SFSWAP: variants seen among roughly 807,000 people sequenced by gnomAD.
The protein encoded by SFSWAP is splicing factor SWAP.
SFSWAP carries 17 observed loss-of-function variants against 100.7 expected under a neutral mutation model. That is an observed-to-expected ratio of 0.17 (90% CI 0.12 to 0.25). The LOEUF (loss-of-function observed/expected upper bound fraction) is 0.25. Ranked by LOEUF, SFSWAP falls within the 10% of genes least tolerant of loss-of-function variation. The pLI is 1.00. For missense variants in SFSWAP, 1,005 were observed against 1,262.6 expected (o/e 0.80, Z 3.09); for synonymous variants, 504 against 510.1 (o/e 0.99, Z 0.16).
intron 7 of SFSWAP, among the ~76,000 whole-genome samples, chr12:131,751,984 C>T (rs1188280805): frequency 6.6e-6 from 1 of 152,202 alleles, no homozygotes; most frequent in African/African-American, 2.4e-5. Flanking sequence ...AGCTAGAGAA[C>T]AACGGTTTAG....
chr12:131,767,415 T>G (rs550116368), intron 13 of SFSWAP, among the ~76,000 whole-genome samples: 5 of 152,354 alleles, frequency 3.3e-5, no homozygotes, highest in African/African-American at 4.8e-5. Flanking sequence ...TTTGGGGAGT[T>G]TAGGAGCATT....
chr12:131,796,907 T>A, intron 15 of SFSWAP: 1 of 378,150 alleles, frequency 2.6e-6, no homozygotes, highest in Non-Finnish European at 4.7e-6. Flanking sequence ...TGTGGTGGCT[T>A]ATCTTAGGTA....
At chr12:131,746,428 TG>T (rs1430187178) in intron 7 of SFSWAP, among the ~76,000 whole-genome samples, 7 of 152,230 alleles carry the variant, frequency 4.6e-5, no homozygotes, top group Non-Finnish European at 7.3e-5. Flanking sequence ...CTCTGGCATG[TG>T]GGTCGTTTGT....
chr12:131,764,388 T>G (rs1593164173), intron 11 of SFSWAP, 68 bp from the exon 12 acceptor site: 1 of 1,253,630 alleles, frequency 8.0e-7, no homozygotes, highest in East Asian at 2.4e-5. Flanking sequence ...GATGCTCAGG[T>G]GGGTAGCAGG....
Position 131,778,675 on chromosome 12 carries a change from G to T in SFSWAP, c.2408+345G>T, listed in dbSNP as rs772467652. 6.6e-6 allele frequency among the ~76,000 whole-genome samples: 1 copy of T among 151,972 alleles called. No individual in the cohort carries two copies. Among genetic ancestry groups the T allele is most frequent in the Non-Finnish European group, 1.5e-5 (1 of 67,976 alleles). On this transcript the variant is annotated intron_variant, in intron 14 of 17. Coordinates refer to ENST00000261674, the MANE Select transcript of SFSWAP (RefSeq NM_004592.4). This position sits in a 1 kb window ranked among gnomAD's most constrained non-coding sequence, Gnocchi z 4.2. ...TGGGATTACAGGTGCCCACCACCAC[G>T]CCTGGCTAATTTTTGTATTTTTAGT... is the stretch of plus-strand genomic sequence containing the variant.
At chr12:131,752,697 C>G (rs916696953) in intron 7 of SFSWAP, among the ~76,000 whole-genome samples, 1 of 152,168 alleles carries the variant, frequency 6.6e-6, no homozygotes, top group South Asian at 2.1e-4. Context: ...GGTGTCAGCG[C>G]GGGGAGCTAG....
chr12:131,777,586 G>C (rs1031921495), intron 13 of SFSWAP, among the ~76,000 whole-genome samples: 1 of 152,152 alleles, frequency 6.6e-6, no homozygotes, highest in Non-Finnish European at 1.5e-5. Flanking sequence ...CTATTGTGAA[G>C]AGTGCCACAA....
chr12:131,764,544 C>T lies in SFSWAP; in HGVS notation c.1809C>T (p.Asp603=). 1 of 1,614,112 alleles carries T rather than the reference C, an allele frequency of 6.2e-7. No homozygotes were observed. Among genetic ancestry groups the T allele is most frequent in the Non-Finnish European group, 8.5e-7 (1 of 1,180,002 alleles). ...LEKNRVKLDD[D]SDDDEESKEG... is the part of the protein sequence containing the mutation. ...AAAATCGTGTTAAGCTAGATGATGACAGTGATGATGATGAAGAAAGCAAAG... is the reference window on the plus strand; with the variant it reads ...AAAATCGTGTTAAGCTAGATGATGATAGTGATGATGATGAAGAAAGCAAAG... Residue 603 remains aspartate, a synonymous_variant, in exon 12 of 18, where the codon GAC becomes GAT. Transcript: ENST00000261674.
intron 3 of SFSWAP, among the ~76,000 whole-genome samples, chr12:131,715,995 C>T (rs1877876680): frequency 6.6e-6 from 1 of 152,214 alleles, no homozygotes; most frequent in Non-Finnish European, 1.5e-5. Flanking sequence ...CCACCACATC[C>T]AGCCAAGTGA....
rs771416542 is a variant in SFSWAP at position 131,797,216 on chromosome 12, C to T, written c.2573C>T (p.Ser858Leu). The T allele has an allele frequency of 3.1e-6, 5 of 1,611,706 alleles. No homozygotes were observed. Among genetic ancestry groups the T allele is most frequent in the East Asian group, 2.2e-5 (1 of 44,878 alleles). The change falls in exon 16 of 18, where the codon TCG (serine) becomes TTG (leucine). Residue 858 changes from serine to leucine, a missense_variant. By Grantham distance (145) the Ser-to-Leu change is moderately radical. Transcript: ENST00000261674. ...HEKKKKRRSR[S>L]RTKSKARSQS... is the part of the protein sequence containing the mutation. ...AAGAAGAAGAAGAGGCGGTCCCGGT[C>T]GCGGACCAAGTCCAAGGCCAGGTCT...
chr12:131,766,443 G>A, intron 13 of SFSWAP, 135 bp downstream of exon 13: 6 of 799,362 alleles, frequency 7.5e-6, no homozygotes, highest in Non-Finnish European at 1.0e-5. Flanking sequence ...TCCCGACATG[G>A]TTGAGTGGCT....
Position 131,734,783 on chromosome 12 carries a change from C to T in SFSWAP, c.1081+6355C>T, listed in dbSNP as rs190780787. 1.3e-5 allele frequency among the ~76,000 whole-genome samples: 2 copies of T among 152,316 alleles called. No individual in the cohort carries two copies. Among genetic ancestry groups the T allele is most frequent in the African/African-American group, 2.4e-5 (1 of 41,572 alleles). On this transcript the variant is annotated intron_variant, in intron 7 of 17. Transcript: ENST00000261674. The surrounding 1 kb of genome is among the most constrained non-coding windows in gnomAD (Gnocchi z 4.9). ...GGATCCAACTGACAGGTGAGATGAA[C>T]GAGCTCTCCCTGCGTGCGCACGTCT...
chr12:131,765,990 A>T (rs1045810696), intron 12 of SFSWAP, 128 bp from the exon 13 acceptor site: 11 of 850,556 alleles, frequency 1.3e-5, no homozygotes, highest in Non-Finnish European at 2.0e-5. Context: ...TGATTTGTCC[A>T]ATGTATGTAC....
At chr12:131,784,470 T>C (rs1260445910) in intron 14 of SFSWAP, 1 of 152,218 alleles carries the variant, frequency 6.6e-6, no homozygotes, top group Non-Finnish European at 1.5e-5. Context: ...ATAAAATTTC[T>C]GGACTGTTAT....
intron 7 of SFSWAP, among the ~76,000 whole-genome samples, chr12:131,748,292 T>G (rs1881321644): frequency 6.6e-6 from 1 of 151,206 alleles, no homozygotes; most frequent in South Asian, 2.1e-4. Flanking sequence ...GTTCAAGTGA[T>G]TCTCCTGCCA....
chr12:131,796,114 C>T (rs976289941), intron 15 of SFSWAP: 1 of 151,668 alleles, frequency 6.6e-6, no homozygotes, highest in Non-Finnish European at 1.5e-5. Context: ...CATGCAAAGA[C>T]TCTCCAAGAA....
At chr12:131,746,697 C>T (rs1881132417) in intron 7 of SFSWAP, among the ~76,000 whole-genome samples, 1 of 152,180 alleles carries the variant, frequency 6.6e-6, no homozygotes, top group African/African-American at 2.4e-5. Flanking sequence ...CTTAATTTTG[C>T]CTTCCCATTT....
Position 131,711,346 on chromosome 12 carries a change from C to A in SFSWAP, c.117C>A (p.Gly39=). ...GCCGAGTGGAGCTCTTGGTTTTCGG[C>A]TATGCCTGCAAGCTGTTCCGGGACG... is the stretch of plus-strand genomic sequence containing the variant. ...GGSRVELLVF[G]YACKLFRDDE... is the part of the protein sequence containing the mutation. The change falls in exon 1 of 18, where the codon GGC becomes GGA. Residue 39 remains glycine (G), a synonymous_variant. Coordinates refer to ENST00000261674, the MANE Select transcript of SFSWAP (RefSeq NM_004592.4). This position sits in a 1 kb window ranked among gnomAD's most constrained non-coding sequence, Gnocchi z 4.9. 1 of 1,613,994 alleles carries A rather than the reference C, an allele frequency of 6.2e-7. No individual in the cohort carries two copies. The highest frequency in any genetic ancestry group is 8.5e-7 in the Non-Finnish European group (1 of 1,180,022).
At chr12:131,762,430 G>T (rs1049187096) in intron 11 of SFSWAP, among the ~76,000 whole-genome samples, 6 of 152,212 alleles carry the variant, frequency 3.9e-5, no homozygotes, top group African/African-American at 1.4e-4. Flanking sequence ...AAAATAAAAT[G>T]TAAAATGAAA....
Sources: allele counts gnomAD v4.1 joint callset (sites outside exome capture counted in the v4.1 genomes callset), GRCh38; gene constraint gnomAD v4.1.1; non-coding constraint Gnocchi (gnomAD v3.1); transcripts MANE v1.5; gene names NCBI Gene and HGNC (gene_info 2026-07-23, HGNC 2026-07-21).